The following KIF25 variants were observed in gnomAD, a reference collection of about 807,000 sequenced individuals.
The protein encoded by KIF25 is kinesin-like protein KIF25.
Under a neutral mutation model 32.9 loss-of-function variants are expected in KIF25, and 19 were observed. The ratio of observed to expected loss-of-function variants is 0.58; its 90% CI spans 0.40 to 0.85. KIF25 has a LOEUF of 0.85. Among genes scored for constraint, KIF25 ranks in the 40% least tolerant of loss-of-function variants. KIF25 has a pLI of 0.00. For missense variants in KIF25, 485 were observed against 507.0 expected, an observed-to-expected ratio of 0.96 and a Z score of 0.42; for synonymous variants, 225 against 213.7, an observed-to-expected ratio of 1.05 and a Z score of -0.46.
intron 10 of KIF25, among the ~76,000 whole-genome samples, chr6:168,041,160 C>T (rs2114914118): frequency 6.6e-6 from 1 of 152,364 alleles, no homozygotes; most frequent in East Asian, 1.9e-4. Context: ...AAGGCCATTT[C>T]TCACTCATAT....
intron 4 of KIF25, among the ~76,000 whole-genome samples, chr6:168,015,592 C>T (rs10945460): frequency 0.11 from 16,397 of 152,130 alleles, 1,105 homozygotes; most frequent in South Asian, 0.19. Flanking sequence ...TGGGCAGTCC[C>T]ATCTTGAAAA....
chr6:168,038,664 G>C lies in KIF25; in HGVS notation c.429G>C (p.Ser143=), dbSNP rs775814771. ...LLAKDSIAAV[S]GVKREVVTAK... ...CCAAAGACAGCATTGCAGCAGTGTC[G>C]GGGGTCAAGCGTGAGGTGGTGACAG... The change falls in exon 9 of 13, where the codon TCG becomes TCC. Residue 143 remains serine (S), a synonymous_variant. Coordinates refer to ENST00000643607, the MANE Select transcript of KIF25 (RefSeq NM_030615.4). 5.6e-6 allele frequency: 9 copies of C among 1,614,166 alleles called. No individual in the cohort carries two copies. Among genetic ancestry groups the C allele is most frequent in the Middle Eastern group, 1.7e-4 (1 of 6,052 alleles).
chr6:168,028,665 G>A (rs551089110), intron 5 of KIF25, among the ~76,000 whole-genome samples: 105 of 152,340 alleles, frequency 6.9e-4, no homozygotes, highest in African/African-American at 2.5e-3. Flanking sequence ...ATTGAGGTAA[G>A]TTTATAAACC....
chr6:168,031,501 C>T (rs1250499931), intron 7 of KIF25, among the ~76,000 whole-genome samples: 1 of 152,290 alleles, frequency 6.6e-6, no homozygotes. Context: ...GTGTGCTGCG[C>T]GTCCCAAAGG....
intron 7 of KIF25, among the ~76,000 whole-genome samples, chr6:168,031,426 C>T (rs533942830): frequency 6.6e-5 from 10 of 152,208 alleles, no homozygotes; most frequent in Non-Finnish European, 1.3e-4. Flanking sequence ...CTTGCATTGT[C>T]CAGCAAAGGC....
intron 4 of KIF25, among the ~76,000 whole-genome samples, chr6:168,013,743 G>A (rs56049828): frequency 0.35 from 52,129 of 150,828 alleles, 9,185 homozygotes; most frequent in South Asian, 0.43. Context: ...CCTTCTGCCT[G>A]GGCAGATCTG....
Position 168,038,697 on chromosome 6 carries a change from T to C in KIF25, c.462T>C (p.Asp154=), listed in dbSNP as rs1388998333. 6.2e-7 allele frequency: 1 copy of C among 1,614,056 alleles called. No homozygotes were observed. Among genetic ancestry groups the C allele is most frequent in the Non-Finnish European group, 8.5e-7 (1 of 1,180,008 alleles). The part of the protein sequence containing the change: ...GVKREVVTAK[D]GRTEVALLAS... The stretch of plus-strand genomic sequence containing the variant: ...AGCGTGAGGTGGTGACAGCCAAGGA[T>C]GGACGGACAGAGGTTGCGCTGCTGG... The change falls in exon 9 of 13, where the codon GAT becomes GAC. Residue 154 remains aspartate, a synonymous_variant. Transcript: ENST00000643607.
chr6:168,033,829 T>C lies in KIF25; in HGVS notation c.168-53T>C, dbSNP rs938553240. The stretch of plus-strand genomic sequence containing the variant: ...ATACAAGTGAAAATTTTTCCTGGAA[T>C]CTTCTTGGCACCCACGTGTGTTTTG... On this transcript the variant is annotated intron_variant, in intron 7 of 12. Transcript: ENST00000643607. 57 of 1,565,192 alleles carry C rather than the reference T, an allele frequency of 3.6e-5. No homozygotes were observed. The East Asian group carries it at 1.2e-3, about 33-fold the overall frequency.
chr6:168,043,224 C>T (rs1319155992), intron 12 of KIF25, among the ~76,000 whole-genome samples: 2 of 152,152 alleles, frequency 1.3e-5, no homozygotes, highest in Non-Finnish European at 2.9e-5. Context: ...TTGGGGAGCT[C>T]AGTTAGTGCC....
intron 11 of KIF25, 74 bp from the exon 12 acceptor site, chr6:168,042,487 C>T: frequency 1.3e-6 from 2 of 1,546,666 alleles, no homozygotes; most frequent in African/African-American, 1.4e-5. Flanking sequence ...GCCGCTCCTC[C>T]CAAGGAGCCG....
At chr6:168,010,543 C>A (rs1373858550) in intron 4 of KIF25, among the ~76,000 whole-genome samples, 3 of 152,088 alleles carry the variant, frequency 2.0e-5, no homozygotes, top group African/African-American at 7.2e-5. Context: ...TGTGTCCTAA[C>A]ATGTGGTCAA....
intron 7 of KIF25, among the ~76,000 whole-genome samples, chr6:168,032,830 G>T (rs946838297): frequency 6.6e-6 from 1 of 152,198 alleles, no homozygotes; most frequent in Non-Finnish European, 1.5e-5. Flanking sequence ...TGACTCGGAC[G>T]GGGGGTCAGG....
intron 5 of KIF25, among the ~76,000 whole-genome samples, chr6:168,025,410 G>A (rs778478592): frequency 1.6e-4 from 25 of 152,062 alleles, no homozygotes; most frequent in Non-Finnish European, 2.8e-4. Flanking sequence ...CACGAGCCCC[G>A]CGGGGCTGGG....
intron 4 of KIF25, among the ~76,000 whole-genome samples, chr6:168,006,883 C>CT (rs1798586663): frequency 6.6e-6 from 1 of 152,260 alleles, no homozygotes; most frequent in Admixed American, 6.5e-5. Context: ...TAGCCTTATA[C>CT]TTTTTAAAAA....
chr6:168,022,759 G>T (rs1370919473), intron 5 of KIF25, among the ~76,000 whole-genome samples: 17 of 136,182 alleles, frequency 1.2e-4, no homozygotes, highest in African/African-American at 3.8e-4. Flanking sequence ...TTGATTGTTT[G>T]TTGTTGTTGT....
At chr6:168,042,296 C>A in intron 11 of KIF25, 145 bp downstream of exon 11, 1 of 944,220 alleles carries the variant, frequency 1.1e-6, no homozygotes, top group Non-Finnish European at 1.5e-6. Flanking sequence ...AATCCCGTTA[C>A]ATTCTCAGGG....
chr6:168,024,488 T>A (rs952044500), intron 5 of KIF25, among the ~76,000 whole-genome samples: 2 of 131,146 alleles, frequency 1.5e-5, no homozygotes, highest in Non-Finnish European at 3.1e-5. Context: ...TTGGGCTAGG[T>A]AAGGAGGGAA....
chr6:168,011,876 CT>C (rs1798652438), intron 4 of KIF25, among the ~76,000 whole-genome samples: 1 of 152,114 alleles, frequency 6.6e-6, no homozygotes, highest in Non-Finnish European at 1.5e-5. Flanking sequence ...TATTATCTCT[CT>C]TTCCCTCTGT....
intron 2 of KIF25, among the ~76,000 whole-genome samples, chr6:168,001,506 T>C (rs1798500900): frequency 6.6e-6 from 1 of 152,212 alleles, no homozygotes; most frequent in African/African-American, 2.4e-5. Context: ...TGAAATCCCA[T>C]CAGAAATGGG....
Sources: gnomAD v4.1 joint callset for allele counts (sites outside exome capture counted in the v4.1 genomes callset) on GRCh38, gnomAD v4.1.1 for gene constraint, MANE v1.5 for transcripts, NCBI Gene and HGNC (gene_info 2026-07-23, HGNC 2026-07-21) for gene names.